Variants in CMIP observed in about 807,000 individuals in gnomAD.
CMIP encodes c-Maf inducing protein.
CMIP carries 13 observed loss-of-function variants against 97.3 expected under a neutral mutation model. The observed-to-expected ratio is 0.13, with a 90% CI of 0.09 to 0.21. The LOEUF is 0.21. Among genes scored for constraint, CMIP ranks in the 10% least tolerant of loss-of-function variants. The pLI, the probability that CMIP is intolerant of heterozygous loss-of-function variation, is 1.00. For synonymous variants in CMIP, 538 were observed against 436.3 expected, an observed-to-expected ratio of 1.23 and a Z score of -2.91; for missense variants, 847 against 1,024.9, an observed-to-expected ratio of 0.83 and a Z score of 2.37.
intron 20 of CMIP, 61 bp downstream of exon 20, chr16:81,707,145 T>C (rs1430350648): frequency 7.2e-7 from 1 of 1,389,930 alleles, no homozygotes; most frequent in Non-Finnish European, 1.0e-6. Context: ...ATCTGGATGC[T>C]GGTGCATCTC....
chr16:81,699,868 C>T, intron 15 of CMIP, 67 bp downstream of exon 15: 1 of 1,124,442 alleles, frequency 8.9e-7, no homozygotes, highest in Non-Finnish European at 1.3e-6. Flanking sequence ...GCCGATAGAG[C>T]ATCTGCTGGG....
intron 1 of CMIP, among the ~76,000 whole-genome samples, chr16:81,568,333 C>G (rs559445862): frequency 6.6e-6 from 1 of 152,314 alleles, no homozygotes; most frequent in East Asian, 1.9e-4. Context: ...GCCTACGTGC[C>G]TGCCCTCTGC....
intron 1 of CMIP, among the ~76,000 whole-genome samples, chr16:81,521,558 G>A (rs568429174): frequency 3.9e-5 from 6 of 152,168 alleles, no homozygotes; most frequent in African/African-American, 1.4e-4. Flanking sequence ...CTAAGGGTGC[G>A]TCACCTGAGG....
At chr16:81,590,007 C>T (rs772344345) in intron 1 of CMIP, among the ~76,000 whole-genome samples, 7 of 152,038 alleles carry the variant, frequency 4.6e-5, no homozygotes, top group South Asian at 4.1e-4. Context: ...AGCAGGTGTC[C>T]GGAGGCTGGA....
At chr16:81,482,788 C>T (rs2150757961) in intron 1 of CMIP, among the ~76,000 whole-genome samples, 1 of 152,364 alleles carries the variant, frequency 6.6e-6, no homozygotes, top group Middle Eastern at 3.4e-3. Flanking sequence ...AACTCCACCA[C>T]ATCCTAAGCT....
chr16:81,449,031 T>C (rs1906044287), intron 1 of CMIP, among the ~76,000 whole-genome samples: 1 of 152,266 alleles, frequency 6.6e-6, no homozygotes, highest in Non-Finnish European at 1.5e-5. Context: ...TGCTCTCGTC[T>C]GTGGGTTGAA....
At chr16:81,547,835 T>A (rs2090576820) in intron 1 of CMIP, among the ~76,000 whole-genome samples, 1 of 152,170 alleles carries the variant, frequency 6.6e-6, no homozygotes, top group Non-Finnish European at 1.5e-5. Flanking sequence ...CTGGGACCCT[T>A]GGCCTGGGAC....
chr16:81,500,328 T>TGC (rs2089580909), intron 1 of CMIP, among the ~76,000 whole-genome samples: 2 of 64,008 alleles, frequency 3.1e-5, no homozygotes, highest in African/African-American at 1.2e-4. Flanking sequence ...CCTGCCTCCC[T>TGC]CTGTCCCTCC....
At chr16:81,694,047 A>C (rs1906415794) in intron 13 of CMIP, among the ~76,000 whole-genome samples, 1 of 152,218 alleles carries the variant, frequency 6.6e-6, no homozygotes, top group South Asian at 2.1e-4. Context: ...ATCATCTGAT[A>C]GTAACAGCAC....
intron 3 of CMIP, among the ~76,000 whole-genome samples, chr16:81,623,353 T>G (rs2092017984): frequency 6.6e-6 from 1 of 152,260 alleles, no homozygotes; most frequent in African/African-American, 2.4e-5. Flanking sequence ...TTATGGTTGC[T>G]AAATTTAATC....
chr16:81,481,060 G>A (rs893219906), intron 1 of CMIP, among the ~76,000 whole-genome samples: 12 of 152,244 alleles, frequency 7.9e-5, no homozygotes, highest in African/African-American at 2.9e-4. Context: ...TCAGGGCTTT[G>A]GCCCGGCTGT....
At position 81,616,467 on chromosome 16, in the gene CMIP, A is replaced by C. The variant is rs546139150; in HGVS notation, c.427-4409A>C. Among the ~76,000 whole-genome samples, 1 of 152,138 alleles carries C rather than the reference A, an allele frequency of 6.6e-6. No homozygotes were observed. Among genetic ancestry groups the C allele is most frequent in the African/African-American group, 2.4e-5 (1 of 41,536 alleles). On this transcript the variant is annotated intron_variant, in intron 2 of 20. Coordinates refer to ENST00000537098, the MANE Select transcript of CMIP (RefSeq NM_198390.3). The surrounding 1 kb of genome is among the most constrained non-coding windows in gnomAD (Gnocchi z 4.7). ...AGGAGGAGAGGAGGTGTGTGTGAGC[A>C]TTTCTCGTGGTGCCTGGTACCGAGT...
At chr16:81,495,272 G>A in intron 1 of CMIP, 1 of 1,404,420 alleles carries the variant, frequency 7.1e-7, no homozygotes, top group Non-Finnish European at 9.3e-7. Context: ...CAGCCTGGGG[G>A]AAGCAGAGGA....
chr16:81,688,527 T>A (rs1031791294), intron 10 of CMIP, among the ~76,000 whole-genome samples: 1 of 152,230 alleles, frequency 6.6e-6, no homozygotes, highest in Non-Finnish European at 1.5e-5. Flanking sequence ...TCACACTGAC[T>A]TTATTGTGCT....
At chr16:81,666,279 C>G (rs376151908) in intron 7 of CMIP, 3 of 152,326 alleles carry the variant, frequency 2.0e-5, no homozygotes, top group East Asian at 3.9e-4. Flanking sequence ...AGGACCTTAA[C>G]TTGTCAATGG....
intron 1 of CMIP, among the ~76,000 whole-genome samples, chr16:81,593,585 C>G (rs148158567): frequency 6.6e-6 from 1 of 152,344 alleles, no homozygotes; most frequent in Non-Finnish European, 1.5e-5. Flanking sequence ...AGGAGCTTGG[C>G]AAGCATTTCA....
intron 1 of CMIP, among the ~76,000 whole-genome samples, chr16:81,484,939 A>C (rs898969): frequency 6.6e-6 from 1 of 151,424 alleles, no homozygotes. Flanking sequence ...TCCTCCTCCT[A>C]CCCCTGAAAA....
intron 1 of CMIP, among the ~76,000 whole-genome samples, chr16:81,567,345 T>C (rs1339147220): frequency 6.6e-6 from 1 of 152,246 alleles, no homozygotes; most frequent in Non-Finnish European, 1.5e-5. Context: ...AATCCACTTC[T>C]TTCCATTCTT....
At chr16:81,534,643 TAA>T (rs66515043) in intron 1 of CMIP, among the ~76,000 whole-genome samples, 8 of 146,682 alleles carry the variant, frequency 5.5e-5, no homozygotes, top group African/African-American at 1.0e-4. Flanking sequence ...ACATTCCCCA[TAA>T]AAAAAAAAAC....
Sources: gnomAD v4.1 joint callset for allele counts (sites outside exome capture counted in the v4.1 genomes callset) on GRCh38, gnomAD v4.1.1 for gene constraint, Gnocchi (gnomAD v3.1) non-coding constraint, MANE v1.5 for transcripts, NCBI Gene and HGNC (gene_info 2026-07-23, HGNC 2026-07-21) for gene names.